The following SGPL1 variants were observed in gnomAD, a reference collection of about 807,000 sequenced individuals.
SGPL1 encodes the protein SP-lyase 1.
A neutral mutation model predicts 68.9 loss-of-function variants in SGPL1; 37 were observed. The ratio of observed to expected loss-of-function variants is 0.54; its 90% CI spans 0.41 to 0.71. The LOEUF is 0.71. Among genes scored for constraint, SGPL1 ranks in the 30% least tolerant of loss-of-function variants. SGPL1 has a pLI of 0.00. For synonymous variants in SGPL1, 236 were observed against 248.5 expected (o/e 0.95, Z 0.47); for missense variants, 551 against 704.6 (o/e 0.78, Z 2.47).
chr10:70,818,095 GT>G (rs535808092), intron 2 of SGPL1, among the ~76,000 whole-genome samples: 5 of 151,914 alleles, frequency 3.3e-5, no homozygotes, highest in African/African-American at 9.6e-5. Context: ...TCCGGGTTTA[GT>G]TTTTTTTGTT....
intron 3 of SGPL1, among the ~76,000 whole-genome samples, chr10:70,846,414 C>T (rs1845793328): frequency 6.6e-6 from 1 of 151,968 alleles, no homozygotes; most frequent in Non-Finnish European, 1.5e-5. Context: ...CTCTGCTTAT[C>T]CTTCTATTAT....
At chr10:70,860,900 A>G (rs1048638973) in intron 7 of SGPL1, among the ~76,000 whole-genome samples, 5 of 152,292 alleles carry the variant, frequency 3.3e-5, no homozygotes, top group Non-Finnish European at 5.9e-5. Flanking sequence ...GTGTGCCTCA[A>G]TCCATTGTAG....
At chr10:70,843,257 C>CTGTGTGTG (rs56785272) in intron 2 of SGPL1, among the ~76,000 whole-genome samples, 2 of 150,016 alleles carry the variant, frequency 1.3e-5, no homozygotes, top group African/African-American at 2.4e-5. Flanking sequence ...ATGTATGTGC[C>CTGTGTGTG]TGTGTGTGTG....
chr10:70,832,354 C>T (rs1193947617), intron 2 of SGPL1, among the ~76,000 whole-genome samples: 1 of 152,304 alleles, frequency 6.6e-6, no homozygotes, highest in East Asian at 1.9e-4. Flanking sequence ...TTACACTTCT[C>T]AGCAAATATT....
At chr10:70,847,195 T>TCCA in intron 3 of SGPL1, among the ~76,000 whole-genome samples, 1 of 152,184 alleles carries the variant, frequency 6.6e-6, no homozygotes, top group South Asian at 2.1e-4. Flanking sequence ...TCACCCAGGC[T>TCCA]GGAGTTCAGT....
At chr10:70,825,033 C>T (rs1180248094) in intron 2 of SGPL1, among the ~76,000 whole-genome samples, 3 of 148,184 alleles carry the variant, frequency 2.0e-5, no homozygotes, top group African/African-American at 5.0e-5. Context: ...GGCTCGATCT[C>T]GGCTCACTGC....
intron 3 of SGPL1, 116 bp from the exon 4 acceptor site, chr10:70,851,027 A>G: frequency 1.3e-6 from 1 of 774,742 alleles, no homozygotes; most frequent in Admixed American, 2.5e-5. Context: ...TTTAAACGAA[A>G]GAAACTCTTT....
chr10:70,820,181 C>G (rs1439296233), intron 2 of SGPL1: 31 of 152,132 alleles, frequency 2.0e-4, no homozygotes. Flanking sequence ...CCTTCTTTTA[C>G]AGATGAAAAA....
At chr10:70,846,028 A>G (rs189947215) in intron 3 of SGPL1, among the ~76,000 whole-genome samples, 1 of 152,358 alleles carries the variant, frequency 6.6e-6, no homozygotes, top group Admixed American at 6.5e-5. Context: ...ATGGCGCAGT[A>G]AACATTGCAA....
chr10:70,871,815 G>A, intron 10 of SGPL1, 22 bp from the exon 11 acceptor site: 1 of 1,611,304 alleles, frequency 6.2e-7, no homozygotes, highest in Non-Finnish European at 8.5e-7. Context: ...ATTCTCTTAT[G>A]TTCTTTGTTT....
At chr10:70,859,022 A>C (rs1341731986) in intron 6 of SGPL1, among the ~76,000 whole-genome samples, 1 of 152,244 alleles carries the variant, frequency 6.6e-6, no homozygotes, top group African/African-American at 2.4e-5. Context: ...GAACACTAGA[A>C]GATAGCTACC....
rs1042517124 is a variant in SGPL1 at position 70,823,217 on chromosome 10, A to G, written c.27+6337A>G. Among the ~76,000 whole-genome samples the G allele has an allele frequency of 8.4e-4, 127 of 151,662 alleles. 1 individual carries two copies. The highest frequency in any genetic ancestry group is 2.8e-3 in the African/African-American group (116 of 41,318). On this transcript the variant is annotated intron_variant, in intron 2 of 14. Transcript: ENST00000373202. ...CACAGACTCAAACACACACAGCCATATGTGTAATCATTTTTTAGTACAAAA... is the reference window on the plus strand; with the variant it reads ...CACAGACTCAAACACACACAGCCATGTGTGTAATCATTTTTTAGTACAAAA...
At chr10:70,824,650 A>G (rs373757203) in intron 2 of SGPL1, among the ~76,000 whole-genome samples, 13 of 152,338 alleles carry the variant, frequency 8.5e-5, no homozygotes, top group East Asian at 7.7e-4. Flanking sequence ...AGAATATTGT[A>G]TTATGTAGCA....
intron 4 of SGPL1, among the ~76,000 whole-genome samples, chr10:70,853,002 A>T (rs954189862): frequency 6.6e-6 from 1 of 152,232 alleles, no homozygotes; most frequent in African/African-American, 2.4e-5. Context: ...GGGGTAAGGA[A>T]GTACTTGTGC....
chr10:70,816,760 G>T (rs1331332870), intron 1 of SGPL1, 51 bp from the exon 2 acceptor site: 14 of 1,285,124 alleles, frequency 1.1e-5, no homozygotes, highest in Non-Finnish European at 1.4e-5. Context: ...AGGCGGGCTG[G>T]CGAGACAGTT....
At chr10:70,869,944 A>C (rs767783901) in intron 9 of SGPL1, 47 bp downstream of exon 9, 10 of 1,459,270 alleles carry the variant, frequency 6.9e-6, no homozygotes, top group Non-Finnish European at 9.6e-6. Flanking sequence ...CCCTGACAGC[A>C]GAAGGGCCCT....
intron 3 of SGPL1, among the ~76,000 whole-genome samples, chr10:70,850,136 T>G (rs1405727162): frequency 6.6e-6 from 1 of 152,238 alleles, no homozygotes; most frequent in Admixed American, 6.5e-5. Context: ...ATTTGTTCTA[T>G]GTACTGCCTG....
chr10:70,853,249 G>A (rs1845914908), intron 4 of SGPL1, among the ~76,000 whole-genome samples: 1 of 152,198 alleles, frequency 6.6e-6, no homozygotes, highest in African/African-American at 2.4e-5. Flanking sequence ...AGACATGCTC[G>A]AAAGGAGTGG....
At chr10:70,848,454 CTT>C (rs55860254) in intron 3 of SGPL1, among the ~76,000 whole-genome samples, 13 of 70,682 alleles carry the variant, frequency 1.8e-4, no homozygotes, top group African/African-American at 6.8e-4. Flanking sequence ...ACCTCACGTA[CTT>C]TTTTTTTTTT....
Sources: allele counts gnomAD v4.1 joint callset (sites outside exome capture counted in the v4.1 genomes callset), GRCh38; gene constraint gnomAD v4.1.1; transcripts MANE v1.5; gene names NCBI Gene and HGNC (gene_info 2026-07-23, HGNC 2026-07-21).